The following LIMS1 variants were observed in gnomAD, a reference collection of about 807,000 sequenced individuals.
LIMS1 encodes the protein LIM and senescent cell antigen-like-containing domain protein 1.
Under a neutral mutation model 44.1 loss-of-function variants are expected in LIMS1, and 18 were observed. The ratio of observed to expected loss-of-function variants is 0.41; its 90% confidence interval spans 0.28 to 0.61. The LOEUF is 0.61. Ranked by LOEUF, LIMS1 falls within the 20% of genes least tolerant of loss-of-function variation. The pLI, the probability that LIMS1 is intolerant of heterozygous loss-of-function variation, is 0.32. For missense variants in LIMS1, 201 were observed against 422.0 expected, an observed-to-expected ratio of 0.48 and a Z score of 4.59; for synonymous variants, 93 against 149.1, an observed-to-expected ratio of 0.62 and a Z score of 2.74.
At chr2:108,681,637 A>G (rs1693001386) in intron 9 of LIMS1, 1 of 950,602 alleles carries the variant, frequency 1.1e-6, no homozygotes, top group South Asian at 4.9e-5. Context: ...TTATTTCAGC[A>G]TGGCGAGGCA....
intron 1 of LIMS1, among the ~76,000 whole-genome samples, chr2:108,638,127 T>C (rs779699052): frequency 1.3e-5 from 2 of 152,140 alleles, no homozygotes; most frequent in Non-Finnish European, 2.9e-5. Flanking sequence ...ATTACAGGCA[T>C]GAGGCACCAT....
intron 1 of LIMS1, among the ~76,000 whole-genome samples, chr2:108,618,771 G>A (rs1054082286): frequency 6.8e-6 from 1 of 147,270 alleles, no homozygotes; most frequent in Non-Finnish European, 1.5e-5. Flanking sequence ...GTTGCAGTGA[G>A]CTGAGATCGT....
chr2:108,605,996 C>T (rs1246957994), intron 1 of LIMS1, among the ~76,000 whole-genome samples: 2 of 152,228 alleles, frequency 1.3e-5, no homozygotes, highest in Non-Finnish European at 2.9e-5. Flanking sequence ...GGCCAGGCAG[C>T]GTGGCCCTCG....
intron 1 of LIMS1, among the ~76,000 whole-genome samples, chr2:108,598,852 C>CA (rs888863060): frequency 2.0e-5 from 3 of 151,876 alleles, no homozygotes; most frequent in African/African-American, 7.3e-5. Flanking sequence ...TCTGTTTTCT[C>CA]AAGGCTCTAT....
intron 9 of LIMS1, among the ~76,000 whole-genome samples, chr2:108,682,232 G>T (rs1204333727): frequency 6.6e-6 from 1 of 152,138 alleles, no homozygotes; most frequent in Non-Finnish European, 1.5e-5. Flanking sequence ...AAACAATGAG[G>T]CCGGGCATGG....
chr2:108,580,693 C>A lies in LIMS1; in HGVS notation c.32+46099C>A, dbSNP rs148239825. On this transcript the variant is annotated intron_variant, in intron 1 of 9. Transcript: ENST00000544547. ...AGGCAGAGAAGAAAGGACTTTGCAG[C>A]TGGACATTGGGAGGTGTGTGAGGAT... Among the ~76,000 whole-genome samples the A allele has an allele frequency of 4.4e-3, 670 of 152,250 alleles. 4 individuals carry two copies. The highest frequency in any genetic ancestry group is 0.014 in the South Asian group (68 of 4,818).
intron 1 of LIMS1, among the ~76,000 whole-genome samples, chr2:108,586,747 A>G (rs1359177896): frequency 2.0e-5 from 3 of 152,026 alleles, no homozygotes; most frequent in Non-Finnish European, 2.9e-5. Context: ...GGAATTTTGT[A>G]TTTTGGGGCT....
chr2:108,652,409 G>A (rs1437391039), intron 1 of LIMS1, among the ~76,000 whole-genome samples: 3 of 152,158 alleles, frequency 2.0e-5, no homozygotes, highest in Admixed American at 6.5e-5. Flanking sequence ...TGATCTCAGG[G>A]CATTGTGCTG....
At chr2:108,565,164 T>C (rs917854460) in intron 1 of LIMS1, among the ~76,000 whole-genome samples, 1 of 152,326 alleles carries the variant, frequency 6.6e-6, no homozygotes, top group Middle Eastern at 3.4e-3. Flanking sequence ...AGGAGGTAAC[T>C]TTTTCCTTAG....
exon 9 of LIMS1, chr2:108,680,696 G>T (rs1205147866): frequency 3.1e-6 from 5 of 1,609,360 alleles, no homozygotes; most frequent in Non-Finnish European, 4.2e-6. Context: ...TTTCTCCAGT[G>T]GTCTCTGCTC....
chr2:108,583,917 C>T (rs993664525), intron 1 of LIMS1, among the ~76,000 whole-genome samples: 2 of 152,050 alleles, frequency 1.3e-5, no homozygotes, highest in African/African-American at 2.4e-5. Flanking sequence ...TGATTTTGAA[C>T]TCCTGACCTC....
At chr2:108,564,126 G>A (rs1033741957) in intron 1 of LIMS1, among the ~76,000 whole-genome samples, 13 of 151,840 alleles carry the variant, frequency 8.6e-5, no homozygotes, top group Non-Finnish European at 1.6e-4. Flanking sequence ...GCCACCCCAG[G>A]CTTCAGCAGC....
chr2:108,559,875 GC>G (rs1234233709), intron 1 of LIMS1, among the ~76,000 whole-genome samples: 1 of 152,214 alleles, frequency 6.6e-6, no homozygotes, highest in Non-Finnish European at 1.5e-5. Flanking sequence ...GTCACTCTGA[GC>G]ACAAATATTT....
At chr2:108,676,243 C>G (rs1421602379) in intron 6 of LIMS1, among the ~76,000 whole-genome samples, 1 of 152,178 alleles carries the variant, frequency 6.6e-6, no homozygotes, top group Non-Finnish European at 1.5e-5. Context: ...ATAATGTACA[C>G]TGCTTTTGTG....
intron 1 of LIMS1, among the ~76,000 whole-genome samples, chr2:108,567,652 A>T (rs1278473755): frequency 6.6e-6 from 1 of 151,754 alleles, no homozygotes; most frequent in African/African-American, 2.4e-5. Flanking sequence ...GCTTACTACA[A>T]CCTCTGCTTC....
intron 2 of LIMS1, chr2:108,660,798 G>T (rs1433430253): frequency 1.7e-5 from 3 of 177,508 alleles, no homozygotes; most frequent in Non-Finnish European, 3.7e-5. Context: ...GGCTATAAAT[G>T]AAGGTGAGAG....
chr2:108,551,694 TACAC>T (rs1196421092), intron 1 of LIMS1, among the ~76,000 whole-genome samples: 3 of 145,856 alleles, frequency 2.1e-5, no homozygotes, highest in African/African-American at 7.5e-5. Context: ...ACTGTATACA[TACAC>T]TAGTATATAT....
chr2:108,642,629 G>T (rs906072067), intron 1 of LIMS1, among the ~76,000 whole-genome samples: 2 of 152,076 alleles, frequency 1.3e-5, no homozygotes, highest in Non-Finnish European at 2.9e-5. Context: ...AAAGTGCAGG[G>T]ATTACAGGCG....
At chr2:108,646,967 C>T (rs1016262153) in intron 1 of LIMS1, among the ~76,000 whole-genome samples, 2 of 152,228 alleles carry the variant, frequency 1.3e-5, no homozygotes, top group East Asian at 3.9e-4. Context: ...GTGATCCGCC[C>T]GCCTCGGCCT....
Sources: gnomAD v4.1 joint callset for allele counts (sites outside exome capture counted in the v4.1 genomes callset) on GRCh38, gnomAD v4.1.1 for gene constraint, MANE v1.5 for transcripts, NCBI Gene and HGNC (gene_info 2026-07-23, HGNC 2026-07-21) for gene names.